The following TPST1 variants were observed in gnomAD, a reference collection of about 807,000 sequenced individuals.
TPST1 encodes protein-tyrosine sulfotransferase 1.
In TPST1, 20 loss-of-function variants were observed where a neutral mutation model predicts 34.8. The observed-to-expected ratio is 0.57, with a 90% CI of 0.40 to 0.84. The LOEUF (loss-of-function observed/expected upper bound fraction) is 0.84, where lower values mean the gene tolerates loss of function less well. Ranked by LOEUF, TPST1 falls within the 40% of genes least tolerant of loss-of-function variation. The pLI is 0.00. For missense variants in TPST1, 353 were observed against 455.5 expected (o/e 0.78, Z 2.05); for synonymous variants, 152 against 159.4 (o/e 0.95, Z 0.35).
intron 3 of TPST1, among the ~76,000 whole-genome samples, chr7:66,339,746 T>G (rs1792195693): frequency 6.6e-6 from 1 of 150,622 alleles, no homozygotes; most frequent in Non-Finnish European, 1.5e-5. Context: ...CTATGCTTAT[T>G]ACCTGAGTGA....
chr7:66,304,515 A>T (rs1369687025), intron 3 of TPST1, among the ~76,000 whole-genome samples: 1 of 152,212 alleles, frequency 6.6e-6, no homozygotes, highest in African/African-American at 2.4e-5. Flanking sequence ...TCTGTCCTAG[A>T]CAACAGTGGT....
intron 3 of TPST1, among the ~76,000 whole-genome samples, chr7:66,346,491 T>C (rs750330615): frequency 1.1e-4 from 16 of 152,110 alleles, no homozygotes; most frequent in Admixed American, 7.9e-4. Context: ...CCAGCATTCG[T>C]TATTGCCTGT....
At chr7:66,231,295 C>T (rs899290315) in intron 1 of TPST1, among the ~76,000 whole-genome samples, 9 of 152,250 alleles carry the variant, frequency 5.9e-5, no homozygotes, top group African/African-American at 1.2e-4. Flanking sequence ...CAGCTGGCTT[C>T]GCCCAGTGGA....
At chr7:66,229,906 A>G (rs1483183224) in intron 1 of TPST1, among the ~76,000 whole-genome samples, 7 of 152,168 alleles carry the variant, frequency 4.6e-5, no homozygotes, top group Non-Finnish European at 7.3e-5. Flanking sequence ...GTATTTTATC[A>G]CTTCAAAAAG....
At chr7:66,324,525 G>A (rs1226850448) in intron 3 of TPST1, among the ~76,000 whole-genome samples, 2 of 152,008 alleles carry the variant, frequency 1.3e-5, no homozygotes, top group East Asian at 1.9e-4. Context: ...AGCCATTTTC[G>A]GCTGGGTGCA....
chr7:66,230,280 A>G (rs2116338545), intron 1 of TPST1, among the ~76,000 whole-genome samples: 1 of 152,344 alleles, frequency 6.6e-6, no homozygotes. Context: ...CCTATTCTGG[A>G]CATTTCATGT....
chr7:66,260,395 G>A (rs1052658339), intron 2 of TPST1, among the ~76,000 whole-genome samples: 14 of 152,248 alleles, frequency 9.2e-5, no homozygotes, highest in South Asian at 2.1e-4. Flanking sequence ...ACAAAATTTC[G>A]TATTTTGGAG....
chr7:66,318,171 T>A (rs902251528), intron 3 of TPST1, among the ~76,000 whole-genome samples: 7 of 151,976 alleles, frequency 4.6e-5, no homozygotes, highest in African/African-American at 1.7e-4. Flanking sequence ...AATAAATAAA[T>A]AAATAAATAT....
At chr7:66,347,059 CTTTTTTT>C (rs71051352) in intron 3 of TPST1, among the ~76,000 whole-genome samples, 34 of 59,976 alleles carry the variant, frequency 5.7e-4, no homozygotes, top group African/African-American at 1.2e-3. Flanking sequence ...CTTTGCTTTT[CTTTTTTT>C]TTTTTTTTTT....
chr7:66,205,026 T>G (rs896986074), upstream of TPST1, among the ~76,000 whole-genome samples: 9 of 152,216 alleles, frequency 5.9e-5, no homozygotes, highest in Non-Finnish European at 1.3e-4. This position sits in a 1 kb window ranked among gnomAD's most constrained non-coding sequence, Gnocchi z 5.0. Context: ...GCGGCTCCCC[T>G]GCAGCCAGGC....
chr7:66,246,324 C>T (rs1790149095), intron 2 of TPST1, among the ~76,000 whole-genome samples: 2 of 151,692 alleles, frequency 1.3e-5, no homozygotes, highest in African/African-American at 4.8e-5. Context: ...AGCTGCCATG[C>T]CCAGCCTCCT....
intron 3 of TPST1, among the ~76,000 whole-genome samples, chr7:66,296,247 T>TTCCCCCCC (rs1554349789): frequency 5.2e-4 from 21 of 40,048 alleles, no homozygotes; most frequent in Admixed American, 7.4e-4. Context: ...CACCCACCCT[T>TTCCCCCCC]CCCCCCCCCC....
intron 1 of TPST1, among the ~76,000 whole-genome samples, chr7:66,235,148 T>G (rs1789884952): frequency 6.6e-6 from 1 of 151,888 alleles, no homozygotes. Flanking sequence ...ATCTTAAGTG[T>G]GTCTTTTAAC....
intron 3 of TPST1, among the ~76,000 whole-genome samples, chr7:66,311,035 C>G (rs1363632025): frequency 6.6e-6 from 1 of 151,982 alleles, no homozygotes; most frequent in Non-Finnish European, 1.5e-5. Context: ...CTCATTCTTT[C>G]AGAATTTTCA....
intron 2 of TPST1, among the ~76,000 whole-genome samples, chr7:66,264,523 A>C (rs1283887062): frequency 1.3e-5 from 2 of 152,202 alleles, no homozygotes; most frequent in African/African-American, 2.4e-5. Flanking sequence ...TTTGGTTCCA[A>C]GCATTTAAGG....
intron 2 of TPST1, among the ~76,000 whole-genome samples, chr7:66,246,925 A>G (rs772694566): frequency 6.6e-6 from 1 of 152,230 alleles, no homozygotes; most frequent in Non-Finnish European, 1.5e-5. Flanking sequence ...TTTTACTAAG[A>G]AAAATCAATT....
chr7:66,270,291 G>C (rs1790679895), intron 2 of TPST1, among the ~76,000 whole-genome samples: 1 of 152,258 alleles, frequency 6.6e-6, no homozygotes, highest in Middle Eastern at 3.4e-3. Context: ...GTAGACCACT[G>C]GAAGGACTAT....
At chr7:66,236,325 C>T (rs765009797) in intron 1 of TPST1, among the ~76,000 whole-genome samples, 5 of 152,134 alleles carry the variant, frequency 3.3e-5, no homozygotes, top group Non-Finnish European at 1.5e-5. Context: ...TGTAAGCTTG[C>T]ACTTAAATCC....
rs141960455 is a variant in TPST1, at chr7:66,206,443, C to A, written c.-102+921C>A. On this transcript the variant is annotated intron_variant, in intron 1 of 5. Transcript: ENST00000304842. ...TGATGGTAGCAAGAAGTCCAGTGTCCACAGGGATTTGACTCTGCCTGAAGA... is the reference window on the plus strand; with the variant it reads ...TGATGGTAGCAAGAAGTCCAGTGTCAACAGGGATTTGACTCTGCCTGAAGA... 1.3e-3 allele frequency among the ~76,000 whole-genome samples: 196 copies of A among 152,220 alleles called. 3 individuals carry two copies. In the East Asian group the frequency reaches 0.026, roughly 20 times the overall value.
Sources: gnomAD v4.1 joint callset for allele counts (sites outside exome capture counted in the v4.1 genomes callset) on GRCh38, gnomAD v4.1.1 for gene constraint, Gnocchi (gnomAD v3.1) non-coding constraint, MANE v1.5 for transcripts, NCBI Gene and HGNC (gene_info 2026-07-23, HGNC 2026-07-21) for gene names.